The following MYO3B variants were observed in gnomAD, a reference collection of about 807,000 sequenced individuals.
The protein encoded by MYO3B is myosin-IIIb.
MYO3B carries 156 observed loss-of-function variants against 174.6 expected under a neutral mutation model. The observed-to-expected ratio is 0.89, with a 90% confidence interval of 0.78 to 1.02. The LOEUF is 1.02. Ranked by LOEUF, MYO3B falls within the 50% of genes least tolerant of loss-of-function variation. The pLI, the probability that MYO3B is intolerant of heterozygous loss-of-function variation, is 0.00. For synonymous variants in MYO3B, 563 were observed against 569.1 expected (o/e 0.99, Z 0.15); for missense variants, 1,632 against 1,639.4 (o/e 1.00, Z 0.08).
chr2:170,638,260 A>G (rs1697688935), intron 32 of MYO3B, among the ~76,000 whole-genome samples: 2 of 152,256 alleles, frequency 1.3e-5, no homozygotes, highest in South Asian at 4.1e-4. Context: ...ATTAATCTAT[A>G]CACTGCAGGT....
chr2:170,497,330 G>A (rs1686917890), intron 25 of MYO3B, among the ~76,000 whole-genome samples: 1 of 152,212 alleles, frequency 6.6e-6, no homozygotes, highest in Admixed American at 6.5e-5. Context: ...AAATACACAA[G>A]TCTAGGCCAG....
rs192865342 is a variant in MYO3B, at chr2:170,537,598, C to A, written c.3576-5308C>A. 3.7e-3 allele frequency among the ~76,000 whole-genome samples: 563 copies of A among 151,472 alleles called. 2 individuals carry two copies. Among genetic ancestry groups the A allele is most frequent in the African/African-American group, 0.013 (517 of 41,226 alleles). On this transcript the variant is annotated intron_variant, in intron 30 of 34. Transcript: ENST00000408978. ...AGTAGCTGGGACTACAAGGGCATGC[C>A]ACCCTGTCTGGCTAGTTTTTGTATT...
rs150659128 is a variant in MYO3B at position 170,629,028 on chromosome 2, C to A, written c.3734-22600C>A. 7.2e-5 allele frequency among the ~76,000 whole-genome samples: 11 copies of A among 152,234 alleles called. No individual in the cohort carries two copies. The East Asian group carries it at 1.9e-3, about 27-fold the overall frequency. ...AATCAGAGTGAGCCCAACCGAAGAA[C>A]GTTAAGGACAGGATTCATCCATACC... On this transcript the variant is annotated intron_variant, in intron 32 of 34. Coordinates refer to ENST00000408978, the MANE Select transcript of MYO3B (RefSeq NM_138995.5).
intron 7 of MYO3B, among the ~76,000 whole-genome samples, chr2:170,293,435 C>T (rs2093608875): frequency 6.6e-6 from 1 of 152,136 alleles, no homozygotes; most frequent in Admixed American, 6.5e-5. Context: ...GGGCATCTGT[C>T]TCACTTCCCA....
At chr2:170,218,896 C>A (rs920589700) in intron 6 of MYO3B, among the ~76,000 whole-genome samples, 9 of 152,168 alleles carry the variant, frequency 5.9e-5, no homozygotes, top group African/African-American at 1.7e-4. Flanking sequence ...AGGATAAAGT[C>A]AAAACTTCTT....
intron 16 of MYO3B, among the ~76,000 whole-genome samples, chr2:170,394,950 G>A (rs1442343931): frequency 6.6e-6 from 1 of 152,226 alleles, no homozygotes. Context: ...AAGCTTAAAT[G>A]AACTGATCAA....
At chr2:170,441,951 C>T (rs539746489) in intron 22 of MYO3B, among the ~76,000 whole-genome samples, 1 of 152,280 alleles carries the variant, frequency 6.6e-6, no homozygotes, top group Admixed American at 6.5e-5. Context: ...GCCTAACCTC[C>T]TGGGAATGCA....
At chr2:170,232,684 A>C (rs2093027874) in intron 6 of MYO3B, among the ~76,000 whole-genome samples, 1 of 152,234 alleles carries the variant, frequency 6.6e-6, no homozygotes, top group South Asian at 2.1e-4. Flanking sequence ...CAGTTTCCAC[A>C]CCTGCATAAG....
intron 7 of MYO3B, among the ~76,000 whole-genome samples, chr2:170,328,587 G>A (rs2093886700): frequency 6.6e-6 from 1 of 152,108 alleles, no homozygotes; most frequent in South Asian, 2.1e-4. Context: ...CCACCTAAGA[G>A]ATATTTTAAA....
chr2:170,182,234 A>G (rs1405251484), intron 1 of MYO3B, among the ~76,000 whole-genome samples: 1 of 152,042 alleles, frequency 6.6e-6, no homozygotes, highest in East Asian at 1.9e-4. Flanking sequence ...CACCAAGACT[A>G]TAATGTATTT....
intron 32 of MYO3B, among the ~76,000 whole-genome samples, chr2:170,569,743 T>A (rs1418921289): frequency 6.6e-6 from 1 of 150,940 alleles, no homozygotes; most frequent in Non-Finnish European, 1.5e-5. Context: ...ATGCCTGTAA[T>A]CCCAGCTACT....
At chr2:170,271,588 A>G (rs2093425426) in intron 7 of MYO3B, among the ~76,000 whole-genome samples, 1 of 152,214 alleles carries the variant, frequency 6.6e-6, no homozygotes, top group South Asian at 2.1e-4. Context: ...CCCAGTGCAT[A>G]GAGTACAACG....
At position 170,611,267 on chromosome 2, in the gene MYO3B, T is replaced by C. The variant is rs556488589; in HGVS notation, c.3734-40361T>C. ...AAAATTACTTACATAACATCCATCA[T>C]GTAGAAGCAGTGTGTTTAACCCATG... On this transcript the variant is annotated intron_variant, in intron 32 of 34. Coordinates refer to ENST00000408978, the MANE Select transcript of MYO3B (RefSeq NM_138995.5). Among the ~76,000 whole-genome samples the C allele has an allele frequency of 1.2e-3, 185 of 152,334 alleles. 2 individuals are homozygous for C. Among genetic ancestry groups the C allele is most frequent in the Admixed American group, 2.6e-3 (40 of 15,302 alleles).
intron 8 of MYO3B, among the ~76,000 whole-genome samples, chr2:170,341,756 T>A (rs1217644248): frequency 6.6e-6 from 1 of 152,218 alleles, no homozygotes; most frequent in African/African-American, 2.4e-5. Context: ...ATATTGGGAT[T>A]TTGTTTTCAT....
At chr2:170,569,423 T>C (rs529621218) in intron 32 of MYO3B, among the ~76,000 whole-genome samples, 20 of 152,258 alleles carry the variant, frequency 1.3e-4, no homozygotes, top group African/African-American at 2.4e-4. Flanking sequence ...TCTGTGGACC[T>C]GAACTTGAAT....
chr2:170,271,786 T>A (rs2093426785), intron 7 of MYO3B, among the ~76,000 whole-genome samples: 1 of 152,198 alleles, frequency 6.6e-6, no homozygotes, highest in South Asian at 2.1e-4. Flanking sequence ...TTTACTGAAT[T>A]CTTCCTTTAT....
At chr2:170,451,393 A>G (rs910410714) in intron 23 of MYO3B, among the ~76,000 whole-genome samples, 10 of 152,242 alleles carry the variant, frequency 6.6e-5, no homozygotes, top group African/African-American at 2.4e-4. Context: ...AATGACTCCA[A>G]AGTAGGTAAG....
intron 7 of MYO3B, among the ~76,000 whole-genome samples, chr2:170,237,373 A>G (rs1223828930): frequency 6.6e-6 from 1 of 152,246 alleles, no homozygotes; most frequent in African/African-American, 2.4e-5. Context: ...CCTGAATATC[A>G]GGATTAAGGT....
chr2:170,222,639 G>A (rs543291398), intron 6 of MYO3B, among the ~76,000 whole-genome samples: 12 of 152,176 alleles, frequency 7.9e-5, no homozygotes, highest in Admixed American at 3.9e-4. Flanking sequence ...CAGTCCCGTC[G>A]GATTAGAGGC....
Sources: allele counts gnomAD v4.1 joint callset (sites outside exome capture counted in the v4.1 genomes callset), GRCh38; gene constraint gnomAD v4.1.1; transcripts MANE v1.5; gene names NCBI Gene and HGNC (gene_info 2026-07-23, HGNC 2026-07-21).